Variants in TRAPPC13 observed in about 807,000 individuals in gnomAD.
The protein encoded by TRAPPC13 is REV7-interacting novel NHEJ regulator 1.
In TRAPPC13, 39 loss-of-function variants were observed where a neutral mutation model predicts 54.0. That is an observed-to-expected ratio of 0.72 (90% CI 0.56 to 0.94). The LOEUF is 0.94. Among genes scored for constraint, TRAPPC13 ranks in the 40% least tolerant of loss-of-function variants. The pLI is 0.00. For missense variants in TRAPPC13, 386 were observed against 488.1 expected (o/e 0.79, Z 1.97); for synonymous variants, 148 against 167.7 (o/e 0.88, Z 0.91).
In TRAPPC13 at chr5:65,664,309, A is replaced by T; in HGVS notation, c.1071A>T (p.Arg357Ser). ...NSIHWCGISG[R>S]QLGKLHPSSS... is the part of the protein sequence containing the mutation. ...TCCACTGGTGTGGAATTTCAGGAAG[A>T]CAGCTGGGAAAGCTGCATCCAAGTT... The change falls in exon 12 of 13, where the codon AGA becomes AGT. Residue 357 changes from arginine to serine, a missense_variant. Coordinates refer to ENST00000399438, the MANE Select transcript of TRAPPC13 (RefSeq NM_024941.4). 1 of 1,613,990 alleles carries T rather than the reference A, an allele frequency of 6.2e-7. No individual in the cohort carries two copies.
intron 6 of TRAPPC13, 28 bp downstream of exon 6, chr5:65,650,910 T>C (rs1756405951): frequency 6.7e-7 from 1 of 1,501,982 alleles, no homozygotes; most frequent in East Asian, 2.3e-5. Context: ...GGTAAATAGT[T>C]TTTATATGCC....
intron 10 of TRAPPC13, 93 bp downstream of exon 10, chr5:65,660,990 T>C: frequency 1.9e-6 from 2 of 1,063,834 alleles, no homozygotes; most frequent in Non-Finnish European, 1.3e-6. Flanking sequence ...AGTAAAAAAT[T>C]GGAGCACTAT....
intron 8 of TRAPPC13, among the ~76,000 whole-genome samples, chr5:65,656,939 A>G (rs1249964381): frequency 2.0e-5 from 3 of 151,952 alleles, no homozygotes; most frequent in African/African-American, 7.2e-5. Context: ...TTAGCTGGGC[A>G]TGGTGGCACT....
At position 65,628,374 on chromosome 5, in the gene TRAPPC13, A is replaced by G. The variant is rs1278422952; in HGVS notation, c.46+3268A>G. Among the ~76,000 whole-genome samples, 3 of 152,342 alleles carry G rather than the reference A, an allele frequency of 2.0e-5. No individual in the cohort carries two copies. The East Asian group carries it at 5.8e-4, about 29-fold the overall frequency. On this transcript the variant is annotated intron_variant, in intron 1 of 12. Transcript: ENST00000399438. ...TAAACCATATTAGCAAAGTTAAACC[A>G]TATTAATGGTTTTAGTTTTTACTAC...
chr5:65,631,614 T>C (rs1416921384), intron 1 of TRAPPC13, among the ~76,000 whole-genome samples: 2 of 152,216 alleles, frequency 1.3e-5, no homozygotes, highest in African/African-American at 4.8e-5. Context: ...CTTATGAGAA[T>C]ATGTGGTATT....
chr5:65,630,797 T>C (rs1482741753), intron 1 of TRAPPC13: 13 of 514,300 alleles, frequency 2.5e-5, no homozygotes, highest in Non-Finnish European at 3.3e-5. Context: ...GTAATAACAA[T>C]TGATAGGCTG....
intron 4 of TRAPPC13, among the ~76,000 whole-genome samples, chr5:65,639,207 A>G (rs1045689446): frequency 5.9e-5 from 9 of 152,152 alleles, no homozygotes; most frequent in African/African-American, 2.2e-4. Context: ...CCCACAACAC[A>G]TGGGAATTAC....
intron 9 of TRAPPC13, among the ~76,000 whole-genome samples, chr5:65,658,723 T>C (rs1756743732): frequency 1.3e-5 from 2 of 151,070 alleles, no homozygotes; most frequent in East Asian, 3.9e-4. Context: ...TTTATTTTTA[T>C]TTATTTATTT....
chr5:65,646,716 G>T (rs139377055), intron 4 of TRAPPC13, among the ~76,000 whole-genome samples: 14 of 152,208 alleles, frequency 9.2e-5, no homozygotes, highest in African/African-American at 2.4e-4. Flanking sequence ...ACTTACTTAG[G>T]TTAGTTCCAC....
intron 9 of TRAPPC13, among the ~76,000 whole-genome samples, chr5:65,659,695 A>G (rs1756777171): frequency 6.6e-6 from 1 of 152,334 alleles, no homozygotes; most frequent in East Asian, 1.9e-4. Context: ...CAGATAAGAA[A>G]GTAATAGGCT....
rs2150667495 is a variant in TRAPPC13, at chr5:65,635,314, T to C, written c.60T>C (p.Thr20=). ...HLLALKVMRL[T]KPTLFTNIPV... ...TTTACTTCACAGTGATGCGGCTGAC[T>C]AAGCCTACTTTATTCACCAATATCC... Residue 20 remains threonine, a synonymous_variant, in exon 2 of 13, where the codon ACT becomes ACC. Coordinates refer to ENST00000399438, the MANE Select transcript of TRAPPC13 (RefSeq NM_024941.4). The C allele has an allele frequency of 6.2e-7, 1 of 1,613,664 alleles. No homozygotes were observed. Among genetic ancestry groups the C allele is most frequent in the African/African-American group, 1.3e-5 (1 of 75,072 alleles).
chr5:65,630,096 C>A, intron 1 of TRAPPC13: 1 of 1,536,034 alleles, frequency 6.5e-7, no homozygotes, highest in African/African-American at 1.4e-5. Flanking sequence ...GCAAGATGGA[C>A]AATAGAACAC....
intron 4 of TRAPPC13, among the ~76,000 whole-genome samples, chr5:65,642,416 G>A (rs956279463): frequency 6.6e-6 from 1 of 151,454 alleles, no homozygotes; most frequent in Non-Finnish European, 1.5e-5. Flanking sequence ...CTCTTGGTTT[G>A]TGTATTTTAA....
At chr5:65,643,837 G>GAAAGA (rs1756078524) in intron 4 of TRAPPC13, among the ~76,000 whole-genome samples, 1 of 132,984 alleles carries the variant, frequency 7.5e-6, no homozygotes, top group African/African-American at 2.8e-5. Context: ...AAAAAAGAAA[G>GAAAGA]AAAAAAAAAA....
At chr5:65,637,545 G>T in intron 3 of TRAPPC13, 151 bp from the exon 4 acceptor site, 1 of 426,706 alleles carries the variant, frequency 2.3e-6, no homozygotes. Context: ...GCAGGAGAAT[G>T]GGGTGAACAT....
At chr5:65,628,794 A>T (rs1383077393) in intron 1 of TRAPPC13, among the ~76,000 whole-genome samples, 1 of 151,624 alleles carries the variant, frequency 6.6e-6, no homozygotes, top group Non-Finnish European at 1.5e-5. Flanking sequence ...TTAAGTATAA[A>T]ATGATTAATT....
At chr5:65,629,416 G>T in intron 1 of TRAPPC13, 1 of 1,269,044 alleles carries the variant, frequency 7.9e-7, no homozygotes, top group Non-Finnish European at 1.0e-6. Flanking sequence ...CTGCCTGTTG[G>T]TAGGCAGGGT....
chr5:65,641,041 C>T (rs1416843056), intron 4 of TRAPPC13, among the ~76,000 whole-genome samples: 1 of 151,886 alleles, frequency 6.6e-6, no homozygotes, highest in African/African-American at 2.4e-5. Context: ...TCAAGGGATC[C>T]TGCTGCCTTA....
chr5:65,639,941 A>G (rs572235782), intron 4 of TRAPPC13, among the ~76,000 whole-genome samples: 7 of 152,366 alleles, frequency 4.6e-5, no homozygotes, highest in African/African-American at 1.7e-4. Flanking sequence ...GGAGTATTCC[A>G]AAAAGGACCT....
Sources: gnomAD v4.1 joint callset for allele counts (sites outside exome capture counted in the v4.1 genomes callset) on GRCh38, gnomAD v4.1.1 for gene constraint, MANE v1.5 for transcripts, NCBI Gene and HGNC (gene_info 2026-07-23, HGNC 2026-07-21) for gene names.